ADAMTS18: variants seen among roughly 807,000 people sequenced by gnomAD.
ADAMTS18 encodes ADAM metallopeptidase with thrombospondin type 1 motif 18.
Under a neutral mutation model 165.9 loss-of-function variants are expected in ADAMTS18, and 157 were observed. That is an observed-to-expected ratio of 0.95 (90% CI 0.83 to 1.08). The LOEUF (loss-of-function observed/expected upper bound fraction) is 1.08. Among genes scored for constraint, ADAMTS18 ranks in the 50% least tolerant of loss-of-function variants. The pLI, the probability that ADAMTS18 is intolerant of heterozygous loss-of-function variation, is 0.00. For missense variants in ADAMTS18, 2,040 were observed against 1,534.0 expected (o/e 1.33, Z -5.51); for synonymous variants, 782 against 578.2 (o/e 1.35, Z -5.06).
intron 13 of ADAMTS18, 82 bp downstream of exon 13, chr16:77,325,784 C>G (rs1161437645): frequency 7.1e-7 from 1 of 1,405,398 alleles, no homozygotes; most frequent in African/African-American, 1.4e-5. Flanking sequence ...CTCTTTGATA[C>G]AAGCAGCAAT....
rs764479008 is a variant in ADAMTS18 at position 77,434,633 on chromosome 16, G to T, written c.63C>A (p.Gly21=). ...TGGCCACGCGCCCCAGTCCCGCCAG[G>T]CCCCTCGGCGGGCCCGAACCCGCAG... ...FPAAGSGPPR[G]LAGLGRVAKA... The change falls in exon 1 of 23, where the codon GGC becomes GGA. Residue 21 remains glycine, a synonymous_variant. Coordinates refer to ENST00000282849, the MANE Select transcript of ADAMTS18 (RefSeq NM_199355.4). The T allele has an allele frequency of 6.0e-6, 9 of 1,488,400 alleles. No homozygotes were observed. Among genetic ancestry groups the T allele is most frequent in the South Asian group, 1.3e-5 (1 of 79,258 alleles). 92.2% of individuals were successfully genotyped at this position (1,488,400 alleles called of 1,614,324 possible).
intron 19 of ADAMTS18, 57 bp from the exon 20 acceptor site, chr16:77,293,315 A>T (rs1322803754): frequency 9.7e-6 from 9 of 925,832 alleles, no homozygotes; most frequent in Admixed American, 5.1e-5. Flanking sequence ...TAGCCACATT[A>T]AAAAAAAAAA....
chr16:77,345,513 C>T (rs2056463040), intron 10 of ADAMTS18, among the ~76,000 whole-genome samples: 1 of 152,160 alleles, frequency 6.6e-6, no homozygotes. Flanking sequence ...CCAAGCCACC[C>T]GACATGGAGC....
At chr16:77,351,288 T>C (rs1227971218) in intron 10 of ADAMTS18, among the ~76,000 whole-genome samples, 1 of 152,212 alleles carries the variant, frequency 6.6e-6, no homozygotes, top group Non-Finnish European at 1.5e-5. Context: ...CTTTCTCACC[T>C]TCCCTGTCCT....
rs189520989 is a variant in ADAMTS18, at chr16:77,374,822, T to A, written c.496-7099A>T. On this transcript the variant is annotated intron_variant, in intron 3 of 22. Transcript: ENST00000282849. ...ACACTTTGTCTCACATAGCCTGTCATCTTCCTATTCAGAGTGACAAGGACA... is the reference window on the plus strand; with the variant it reads ...ACACTTTGTCTCACATAGCCTGTCAACTTCCTATTCAGAGTGACAAGGACA... Among the ~76,000 whole-genome samples, 653 of 152,294 alleles carry A rather than the reference T, an allele frequency of 4.3e-3. 1 individual carries two copies. The highest frequency in any genetic ancestry group is 6.1e-3 in the Admixed American group (94 of 15,292).
At chr16:77,299,352 G>A (rs1380620094) in intron 17 of ADAMTS18, among the ~76,000 whole-genome samples, 1 of 152,160 alleles carries the variant, frequency 6.6e-6, no homozygotes, top group East Asian at 1.9e-4. Context: ...ACTAGAAAAT[G>A]TATTACCTTT....
chr16:77,392,696 G>A (rs761454877), intron 3 of ADAMTS18, among the ~76,000 whole-genome samples: 9 of 152,120 alleles, frequency 5.9e-5, no homozygotes, highest in Admixed American at 1.3e-4. Flanking sequence ...CTAGCATAGG[G>A]TAGACGTCGT....
At chr16:77,364,740 GAAAGA>G (rs56152435) in intron 4 of ADAMTS18, among the ~76,000 whole-genome samples, 37,840 of 146,866 alleles carry the variant, frequency 0.26, 5,450 homozygotes, top group East Asian at 0.56. Context: ...AAAAAAGAAA[GAAAGA>G]AAAGAAAAGA....
intron 3 of ADAMTS18, among the ~76,000 whole-genome samples, chr16:77,411,112 T>A (rs922009577): frequency 2.0e-5 from 3 of 152,194 alleles, no homozygotes; most frequent in Non-Finnish European, 4.4e-5. Context: ...AGCAATGATT[T>A]ATTGTGATGC....
intron 3 of ADAMTS18, among the ~76,000 whole-genome samples, chr16:77,378,305 A>G (rs1410246459): frequency 6.6e-6 from 1 of 151,392 alleles, no homozygotes; most frequent in Non-Finnish European, 1.5e-5. Context: ...AGTGGGTGAC[A>G]GAGTGAGGCC....
intron 21 of ADAMTS18, chr16:77,290,991 T>C: frequency 2.5e-6 from 1 of 404,798 alleles, no homozygotes. Context: ...TAGCAGTGTA[T>C]AACTGGCCTG....
intron 16 of ADAMTS18, among the ~76,000 whole-genome samples, chr16:77,309,259 A>T (rs751398687): frequency 1.3e-5 from 2 of 152,092 alleles, no homozygotes; most frequent in Non-Finnish European, 2.9e-5. Context: ...ACACTTGGTC[A>T]AGAAAATTAT....
At chr16:77,409,445 A>C (rs1668930689) in intron 3 of ADAMTS18, among the ~76,000 whole-genome samples, 1 of 152,204 alleles carries the variant, frequency 6.6e-6, no homozygotes, top group Admixed American at 6.5e-5. Context: ...TATTCCACAG[A>C]GAATAACAAA....
chr16:77,301,510 A>G (rs2055582366), intron 16 of ADAMTS18, among the ~76,000 whole-genome samples: 1 of 152,062 alleles, frequency 6.6e-6, no homozygotes, highest in Non-Finnish European at 1.5e-5. Context: ...GTTCTTTCCC[A>G]CTCCATGAAT....
At chr16:77,402,509 C>G (rs1376000861) in intron 3 of ADAMTS18, among the ~76,000 whole-genome samples, 3 of 152,306 alleles carry the variant, frequency 2.0e-5, no homozygotes, top group East Asian at 3.9e-4. Context: ...AAGGAAAAAA[C>G]TGAATCTACT....
At chr16:77,300,197 G>T (rs570880004) in intron 17 of ADAMTS18, 66 bp downstream of exon 17, 2 of 1,585,922 alleles carry the variant, frequency 1.3e-6, no homozygotes, top group Non-Finnish European at 1.7e-6. Context: ...TGTTAAAGAC[G>T]CCTGGAGTGA....
At chr16:77,340,741 T>C (rs2056385852) in intron 11 of ADAMTS18, among the ~76,000 whole-genome samples, 1 of 151,994 alleles carries the variant, frequency 6.6e-6, no homozygotes, top group Admixed American at 6.6e-5. Flanking sequence ...CCACCAAGCC[T>C]GTTTAAGCTT....
intron 12 of ADAMTS18, among the ~76,000 whole-genome samples, chr16:77,327,624 T>C (rs1239330225): frequency 6.6e-6 from 1 of 152,232 alleles, no homozygotes; most frequent in African/African-American, 2.4e-5. Context: ...ACCGTTATTC[T>C]AACTGAAGGG....
chr16:77,348,288 T>G (rs746436706), intron 10 of ADAMTS18, among the ~76,000 whole-genome samples: 1 of 152,178 alleles, frequency 6.6e-6, no homozygotes, highest in Non-Finnish European at 1.5e-5. Flanking sequence ...ACCTTATTAC[T>G]GATAATCATG....
Sources: allele counts gnomAD v4.1 joint callset (sites outside exome capture counted in the v4.1 genomes callset), GRCh38; gene constraint gnomAD v4.1.1; transcripts MANE v1.5; gene names NCBI Gene and HGNC (gene_info 2026-07-23, HGNC 2026-07-21).